LOC400499: variants seen among roughly 807,000 people sequenced by gnomAD.
chr16:11,494,867 G>A, the LOC400499 span: 1 of 397,912 alleles, frequency 2.5e-6, no homozygotes, highest in Non-Finnish European at 4.4e-6. Context: ...ATACAGAGCT[G>A]AGTCCCCCAG....
At chr16:11,464,474 C>A in the LOC400499 span, among the ~76,000 whole-genome samples, 2 of 152,236 alleles carry the variant, frequency 1.3e-5, no homozygotes, top group Admixed American at 6.5e-5. Flanking sequence ...TAAACTGGGG[C>A]TCTCCAGGCA....
the LOC400499 span, among the ~76,000 whole-genome samples, chr16:11,501,701 G>A: frequency 6.6e-6 from 1 of 151,852 alleles, no homozygotes; most frequent in African/African-American, 2.4e-5. Flanking sequence ...TGGAATGCCG[G>A]CCCTGCCCAG....
At chr16:11,381,397 G>C in the LOC400499 span, among the ~76,000 whole-genome samples, 1 of 152,080 alleles carries the variant, frequency 6.6e-6, no homozygotes. Flanking sequence ...CACCACACCT[G>C]CCCTACTTTT....
At chr16:11,427,491 C>A in the LOC400499 span, among the ~76,000 whole-genome samples, 5 of 152,026 alleles carry the variant, frequency 3.3e-5, no homozygotes, top group African/African-American at 1.2e-4. Flanking sequence ...GTTGCCCAGG[C>A]TGGAATGCAG....
the LOC400499 span, chr16:11,477,977 A>T: frequency 2.5e-6 from 1 of 398,870 alleles, no homozygotes; most frequent in African/African-American, 2.1e-5. Context: ...GGCCAGGCTC[A>T]GCCTCCGGTT....
chr16:11,439,682 A>C, the LOC400499 span: 8 of 397,464 alleles, frequency 2.0e-5, no homozygotes, highest in Admixed American at 3.1e-4. Flanking sequence ...AATATGCCCA[A>C]AGCTCAAACC....
chr16:11,447,558 G>C, the LOC400499 span, among the ~76,000 whole-genome samples: 25 of 152,128 alleles, frequency 1.6e-4, no homozygotes, highest in Non-Finnish European at 2.8e-4. Flanking sequence ...CTTATCTAAG[G>C]CCATACAGCT....
At chr16:11,514,761 G>A in the LOC400499 span, among the ~76,000 whole-genome samples, 1 of 152,214 alleles carries the variant, frequency 6.6e-6, no homozygotes, top group Non-Finnish European at 1.5e-5. Flanking sequence ...AAGGCACACC[G>A]GAGATGACAA....
chr16:11,403,765 T>C, the LOC400499 span, among the ~76,000 whole-genome samples: 1 of 152,168 alleles, frequency 6.6e-6, no homozygotes, highest in Non-Finnish European at 1.5e-5. Flanking sequence ...GGGATGCCTG[T>C]TTCTGGAGGA....
At chr16:11,443,682 G>A in the LOC400499 span, among the ~76,000 whole-genome samples, 6 of 152,092 alleles carry the variant, frequency 3.9e-5, no homozygotes, top group East Asian at 9.6e-4. Flanking sequence ...GCATAGAGAT[G>A]AGTACTGCTG....
the LOC400499 span, among the ~76,000 whole-genome samples, chr16:11,487,050 AGGAGGGAGGGAGGGATGGAGT>A: frequency 6.6e-6 from 1 of 151,750 alleles, no homozygotes; most frequent in Admixed American, 6.6e-5. Context: ...GATAGATGGA[AGGAGGGAGGGAGGGATGGAGT>A]GATGGAGGCA....
the LOC400499 span, chr16:11,387,021 G>A: frequency 1.9e-6 from 2 of 1,043,346 alleles, no homozygotes; most frequent in Non-Finnish European, 2.5e-6. Context: ...GCCTGGCACT[G>A]TGATGCTACT....
At chr16:11,519,510 G>A in the LOC400499 span, among the ~76,000 whole-genome samples, 2 of 152,158 alleles carry the variant, frequency 1.3e-5, no homozygotes, top group African/African-American at 4.8e-5. Flanking sequence ...GGCAAGGCAG[G>A]CGGATCACTT....
the LOC400499 span, among the ~76,000 whole-genome samples, chr16:11,515,478 CGT>C: frequency 6.9e-6 from 1 of 144,588 alleles, no homozygotes; most frequent in Non-Finnish European, 1.5e-5. Context: ...TACATACGTA[CGT>C]ACATACATAC....
the LOC400499 span, among the ~76,000 whole-genome samples, chr16:11,382,979 A>T: frequency 6.6e-6 from 1 of 152,124 alleles, no homozygotes; most frequent in Non-Finnish European, 1.5e-5. Flanking sequence ...CTGTACAAGC[A>T]CGCCTCCAGC....
the LOC400499 span, among the ~76,000 whole-genome samples, chr16:11,393,727 T>TC: frequency 3.6e-3 from 547 of 152,110 alleles, 3 homozygotes; most frequent in African/African-American, 0.012. Context: ...GGCACCAGGT[T>TC]CCCCACGCCA....
the LOC400499 span, chr16:11,385,166 C>T: frequency 2.4e-6 from 3 of 1,231,158 alleles, no homozygotes; most frequent in Admixed American, 4.2e-5. Context: ...CACAGGTCTC[C>T]AGGGGAGGCT....
chr16:11,411,202 G>A, the LOC400499 span: 2 of 399,280 alleles, frequency 5.0e-6, no homozygotes, highest in Non-Finnish European at 8.8e-6. Context: ...CTCGGGCTGG[G>A]CATCTGGAAC....
At chr16:11,477,281 C>T in the LOC400499 span, among the ~76,000 whole-genome samples, 1 of 152,246 alleles carries the variant, frequency 6.6e-6, no homozygotes. Flanking sequence ...AGGGCATCTG[C>T]ATTCCCCATG....
Sources: allele counts gnomAD v4.1 joint callset (sites outside exome capture counted in the v4.1 genomes callset), GRCh38; gene constraint gnomAD v4.1.1; transcripts MANE v1.5.